CADPS2: variants seen among roughly 807,000 people sequenced by gnomAD.
The protein encoded by CADPS2 is calcium dependent secretion activator 2.
In CADPS2, 93 loss-of-function variants were observed where a neutral mutation model predicts 172.5. That is an observed-to-expected ratio of 0.54 (90% confidence interval 0.46 to 0.64). The LOEUF (loss-of-function observed/expected upper bound fraction) is 0.64. Among genes scored for constraint, CADPS2 ranks in the 30% least tolerant of loss-of-function variants. CADPS2 has a pLI of 0.00. For missense variants in CADPS2, 1,420 were observed against 1,565.9 expected, an observed-to-expected ratio of 0.91 and a Z score of 1.57; for synonymous variants, 546 against 555.2, an observed-to-expected ratio of 0.98 and a Z score of 0.23.
chr7:122,875,581 C>G (rs984882084), intron 1 of CADPS2, among the ~76,000 whole-genome samples: 1 of 152,030 alleles, frequency 6.6e-6, no homozygotes, highest in African/African-American at 2.4e-5. Context: ...TTACATACAA[C>G]AATGCTAAGT....
At chr7:122,633,885 G>A (rs1056546168) in intron 3 of CADPS2, among the ~76,000 whole-genome samples, 1 of 152,084 alleles carries the variant, frequency 6.6e-6, no homozygotes, top group Non-Finnish European at 1.5e-5. Flanking sequence ...CCTGTTGAAG[G>A]TTTTTATCAT....
intron 1 of CADPS2, among the ~76,000 whole-genome samples, chr7:122,836,219 A>C (rs1163114803): frequency 6.6e-6 from 1 of 152,178 alleles, no homozygotes; most frequent in East Asian, 1.9e-4. Flanking sequence ...CTTTACAGAC[A>C]AGCAAATGAT....
At chr7:122,517,581 G>C (rs1156989409) in intron 8 of CADPS2, among the ~76,000 whole-genome samples, 1 of 152,012 alleles carries the variant, frequency 6.6e-6, no homozygotes, top group Non-Finnish European at 1.5e-5. Context: ...TTAAATATTA[G>C]GGGGATGTAG....
intron 23 of CADPS2, among the ~76,000 whole-genome samples, chr7:122,387,495 A>C (rs2043840156): frequency 6.6e-6 from 1 of 152,096 alleles, no homozygotes; most frequent in African/African-American, 2.4e-5. Flanking sequence ...AATTGTCTGA[A>C]TTAATTGTCT....
chr7:122,485,552 A>G (rs1034987595), intron 11 of CADPS2, among the ~76,000 whole-genome samples: 1 of 152,234 alleles, frequency 6.6e-6, no homozygotes, highest in Non-Finnish European at 1.5e-5. Context: ...CAAACTGTGA[A>G]GCCAGCAGAG....
intron 15 of CADPS2, among the ~76,000 whole-genome samples, chr7:122,443,043 T>C (rs980269693): frequency 2.4e-4 from 37 of 152,192 alleles, no homozygotes; most frequent in Non-Finnish European, 4.6e-4. Flanking sequence ...TGTAGTCCCC[T>C]CCCCCTGCTT....
At chr7:122,817,546 C>A (rs367971931) in intron 1 of CADPS2, among the ~76,000 whole-genome samples, 5 of 152,104 alleles carry the variant, frequency 3.3e-5, no homozygotes, top group African/African-American at 7.2e-5. Flanking sequence ...TGCAGGGACG[C>A]CTCTCTGATT....
chr7:122,652,980 G>A (rs1354840043), intron 3 of CADPS2, among the ~76,000 whole-genome samples: 2 of 152,074 alleles, frequency 1.3e-5, no homozygotes, highest in Non-Finnish European at 2.9e-5. Context: ...AATGTAAATA[G>A]CCTTTTTCAG....
chr7:122,576,072 T>C (rs149868392), intron 7 of CADPS2, among the ~76,000 whole-genome samples: 1 of 152,176 alleles, frequency 6.6e-6, no homozygotes, highest in East Asian at 1.9e-4. Context: ...GGCAGCATAT[T>C]GCATTTCGTT....
chr7:122,398,246 TAAC>T (rs2045432044), intron 20 of CADPS2, among the ~76,000 whole-genome samples: 1 of 152,168 alleles, frequency 6.6e-6, no homozygotes, highest in Non-Finnish European at 1.5e-5. Flanking sequence ...ATCCAATTAA[TAAC>T]AATTACTGAG....
In CADPS2 at chr7:122,477,071, A is replaced by AGT. The variant is rs1275249819; in HGVS notation, c.1862-2555_1862-2554insAC. ...AGAGAGAAGAGAGAGAGAGAGAGAG[A>AGT]GAGAGAGAGAGGGAGAGAGAGAGGT... is the stretch of plus-strand genomic sequence containing the variant. On this transcript the variant is annotated intron_variant, in intron 12 of 29. Coordinates refer to ENST00000449022, the MANE Select transcript of CADPS2 (RefSeq NM_017954.11). Among the ~76,000 whole-genome samples the AGT allele has an allele frequency of 1.2e-3, 178 of 144,992 alleles. 6 individuals carry two copies. The highest frequency in any genetic ancestry group is 0.011 in the Admixed American group (159 of 14,586).
intron 9 of CADPS2, among the ~76,000 whole-genome samples, chr7:122,507,597 G>C (rs1360050373): frequency 6.6e-6 from 1 of 152,106 alleles, no homozygotes; most frequent in South Asian, 2.1e-4. Flanking sequence ...TCTAAGACAC[G>C]GTTATGAGTT....
At chr7:122,574,635 T>C (rs551076999) in intron 7 of CADPS2, among the ~76,000 whole-genome samples, 44 of 150,966 alleles carry the variant, frequency 2.9e-4, no homozygotes, top group Admixed American at 2.6e-3. Flanking sequence ...AGGTACATGA[T>C]TTAAAAGAAA....
chr7:122,420,444 T>C (rs976082380), intron 17 of CADPS2, among the ~76,000 whole-genome samples: 3 of 152,250 alleles, frequency 2.0e-5, no homozygotes, highest in African/African-American at 7.2e-5. Context: ...GCCACTCTAA[T>C]ACTTTAAATA....
chr7:122,836,779 A>G (rs1808591212), intron 1 of CADPS2, among the ~76,000 whole-genome samples: 1 of 152,174 alleles, frequency 6.6e-6, no homozygotes, highest in Non-Finnish European at 1.5e-5. Flanking sequence ...TTCATAAAGC[A>G]AGGCCTTAGA....
At chr7:122,343,979 T>C (rs1442292713) in intron 28 of CADPS2, among the ~76,000 whole-genome samples, 2 of 152,172 alleles carry the variant, frequency 1.3e-5, no homozygotes, top group African/African-American at 4.8e-5. Context: ...TTCACACATA[T>C]TAACACTTAG....
chr7:122,739,821 T>C (rs538518447), intron 1 of CADPS2, among the ~76,000 whole-genome samples: 2 of 152,292 alleles, frequency 1.3e-5, no homozygotes, highest in African/African-American at 4.8e-5. Context: ...CTATTTGCAT[T>C]ATCAAGATAA....
At chr7:122,687,164 A>C (rs947669863) in intron 2 of CADPS2, among the ~76,000 whole-genome samples, 3 of 152,174 alleles carry the variant, frequency 2.0e-5, no homozygotes, top group East Asian at 3.9e-4. Flanking sequence ...TCCTAAATGG[A>C]AACATCCATT....
At chr7:122,777,713 C>T (rs1346277643) in intron 1 of CADPS2, among the ~76,000 whole-genome samples, 2 of 152,042 alleles carry the variant, frequency 1.3e-5, no homozygotes, top group East Asian at 3.9e-4. Context: ...CTGCACTTCT[C>T]CTTGCAGCCA....
Sources: gnomAD v4.1 joint callset for allele counts (sites outside exome capture counted in the v4.1 genomes callset) on GRCh38, gnomAD v4.1.1 for gene constraint, MANE v1.5 for transcripts, NCBI Gene and HGNC (gene_info 2026-07-23, HGNC 2026-07-21) for gene names.